The following C8orf82 variants were observed in gnomAD, a reference collection of about 807,000 sequenced individuals.
C8orf82 encodes chromosome 8 open reading frame 82.
Under a neutral mutation model 15.0 loss-of-function variants are expected in C8orf82, and 24 were observed. The observed-to-expected ratio is 1.60, with a 90% CI of 1.16 to 2.24. The LOEUF (loss-of-function observed/expected upper bound fraction) is 2.24, where lower values mean the gene tolerates loss of function less well. Among genes scored for constraint, C8orf82 ranks in the 30% most tolerant of loss-of-function variants. The pLI, the probability that C8orf82 is intolerant of heterozygous loss-of-function variation, is 0.00. For synonymous variants in C8orf82, 205 were observed against 152.2 expected (o/e 1.35, Z -2.55); for missense variants, 388 against 317.4 (o/e 1.22, Z -1.69).
Position 144,528,041 on chromosome 8 carries a change from A to T in C8orf82, c.188T>A (p.Phe63Tyr), listed in dbSNP as rs771947212. 6.2e-7 allele frequency: 1 copy of T among 1,612,794 alleles called. No individual in the cohort carries two copies. Among genetic ancestry groups the T allele is most frequent in the South Asian group, 1.1e-5 (1 of 91,086 alleles). ...LFLDDSKMKN[F>Y]ITCFKDPQFL... ...AGCATTACCTTTGAAGCAGGTGATGAAATTCTTCATTTTGGAATCATCCAG... is the reference window on the plus strand; with the variant it reads ...AGCATTACCTTTGAAGCAGGTGATGTAATTCTTCATTTTGGAATCATCCAG... Residue 63 changes from phenylalanine to tyrosine, a missense_variant, in exon 2 of 3, where the codon TTC becomes TAC. Physicochemically the swap from Phe to Tyr is conservative, Grantham distance 22. Coordinates refer to ENST00000524821, the MANE Select transcript of C8orf82 (RefSeq NM_001001795.2).
chr8:144,528,336 C>T lies in C8orf82; in HGVS notation c.157-264G>A, dbSNP rs985082430. 7.9e-6 allele frequency: 12 copies of T among 1,511,276 alleles called. 1 individual carries two copies. Among genetic ancestry groups the T allele is most frequent in the Middle Eastern group, 1.7e-4 (1 of 5,914 alleles). The allele number at this position is 1,511,276 out of a possible 1,614,324, so 93.6% of individuals were successfully genotyped here. On this transcript the variant is annotated intron_variant, in intron 1 of 2. Transcript: ENST00000524821. ...CTTTTCAAGTTTGTAATCAGTTGTA[C>T]CACCTCCTCCGCGGAGACTACCTGG...
In C8orf82 at chr8:144,528,924, C is replaced by T. The variant is rs1477386348; in HGVS notation, c.-8G>A. 1 of 1,502,930 alleles carries T rather than the reference C, an allele frequency of 6.7e-7. No individual in the cohort carries two copies. The highest frequency in any genetic ancestry group is 2.2e-5 in the Admixed American group (1 of 44,570). 93.1% of individuals were successfully genotyped at this position (1,502,930 alleles called of 1,614,324 possible). On this transcript the variant is annotated 5_prime_UTR_variant, in exon 1 of 3. Transcript: ENST00000524821. ...CCCGCAAGGCGGCCACATTCTCCTC[C>T]CGCGCCGGAAGCGACCAGCAGGTCA...
In C8orf82 at chr8:144,527,337, C is replaced by G; in HGVS notation, c.*5G>C. ...CGCGGCCTCCCGCCTTTCCCTTGGC[C>G]CCGCTCAGGGCGACCGAGCCGCGAG... On this transcript the variant is annotated 3_prime_UTR_variant, in exon 3 of 3. Coordinates refer to ENST00000524821, the MANE Select transcript of C8orf82 (RefSeq NM_001001795.2). 1 of 1,178,318 alleles carries G rather than the reference C, an allele frequency of 8.5e-7. No homozygotes were observed. Among genetic ancestry groups the G allele is most frequent in the Non-Finnish European group, 1.1e-6 (1 of 951,368 alleles). 73.0% of individuals were successfully genotyped at this position (1,178,318 alleles called of 1,614,324 possible). A position where few individuals can be genotyped will look rare whatever the true frequency, so the allele number is the denominator to read the frequency against.
intron 1 of C8orf82, 178 bp downstream of exon 1, chr8:144,528,583 C>G (rs1234930162): frequency 8.2e-7 from 1 of 1,214,292 alleles, no homozygotes; most frequent in Non-Finnish European, 1.1e-6. Context: ...TCCTCCAGCT[C>G]TGAGGAGTCG....
rs747819441 is a variant in C8orf82, at chr8:144,528,040, G to A, written c.189C>T (p.Phe63=). 5.0e-6 allele frequency: 8 copies of A among 1,612,826 alleles called. No individual in the cohort carries two copies. Among genetic ancestry groups the A allele is most frequent in the Non-Finnish European group, 6.8e-6 (8 of 1,179,922 alleles). The change falls in exon 2 of 3, where the codon TTC becomes TTT. Residue 63 remains phenylalanine (F), a synonymous_variant. Coordinates refer to ENST00000524821, the MANE Select transcript of C8orf82 (RefSeq NM_001001795.2). ...LFLDDSKMKN[F]ITCFKDPQFL... ...CAGCATTACCTTTGAAGCAGGTGAT[G>A]AAATTCTTCATTTTGGAATCATCCA...
At chr8:144,528,616 C>CGGGGGGGGGGGGGGGGGGGGGGGG in intron 1 of C8orf82, 145 bp downstream of exon 1, 23 of 295,994 alleles carry the variant, frequency 7.8e-5, no homozygotes, top group Non-Finnish European at 1.1e-4. Flanking sequence ...GCGCAGGCCC[C>CGGGGGGGGGGGGGGGGGGGGGGGG]GCCCACCCAC....
At position 144,529,085 on chromosome 8, in the gene C8orf82, G is replaced by A. The variant is rs2130806584; in HGVS notation, c.-169C>T. 1.6e-6 allele frequency: 1 copy of A among 618,918 alleles called. No individual in the cohort carries two copies. The highest frequency in any genetic ancestry group is 3.7e-5 in the East Asian group (1 of 26,862). 38.3% of individuals were successfully genotyped at this position (618,918 alleles called of 1,614,324 possible). The stretch of plus-strand genomic sequence containing the variant: ...GGGCCTCGGGGGCTCGCCCGCCCTG[G>A]CCTTCCGAGAGGCGTGTGCCGGTGA... On this transcript the variant is annotated 5_prime_UTR_variant, in exon 1 of 3. Coordinates refer to ENST00000524821, the MANE Select transcript of C8orf82 (RefSeq NM_001001795.2).
At position 144,527,573 on chromosome 8, in the gene C8orf82, G is replaced by A; in HGVS notation, c.420C>T (p.Phe140=). 2.7e-6 allele frequency: 4 copies of A among 1,468,524 alleles called. No homozygotes were observed. Among genetic ancestry groups the A allele is most frequent in the Non-Finnish European group, 3.6e-6 (4 of 1,117,002 alleles). The allele number at this position is 1,468,524 out of a possible 1,614,324, so 91.0% of individuals were successfully genotyped here. ...CCAGGGGCAGCAGGCGCGCCGGCTC[G>A]AAGGGCACGGCCAGGGCCTCGCCAC... The part of the protein sequence containing the change: ...CGGGEALAVP[F]EPARLLPLAA... The change falls in exon 3 of 3, where the codon TTC becomes TTT. Residue 140 remains phenylalanine (F), a synonymous_variant. Coordinates refer to ENST00000524821, the MANE Select transcript of C8orf82 (RefSeq NM_001001795.2).
chr8:144,527,568 G>A lies in C8orf82; in HGVS notation c.425C>T (p.Pro142Leu). Reference sequence around the variant, plus strand: ...GGCGGCCAGGGGCAGCAGGCGCGCCGGCTCGAAGGGCACGGCCAGGGCCTC... The same window carrying A: ...GGCGGCCAGGGGCAGCAGGCGCGCCAGCTCGAAGGGCACGGCCAGGGCCTC... Reference protein sequence around the residue: ...GGEALAVPFEPARLLPLAANG... With the variant: ...GGEALAVPFELARLLPLAANG... The change falls in exon 3 of 3, where the codon CCG (proline) becomes CTG (leucine). Residue 142 changes from proline to leucine, a missense_variant. Pro to Leu is a moderately conservative substitution (Grantham distance 98, BLOSUM62 -3). Transcript: ENST00000524821. 5.5e-6 allele frequency: 8 copies of A among 1,459,896 alleles called. No homozygotes were observed. The highest frequency in any genetic ancestry group is 1.5e-5 in the African/African-American group (1 of 67,816). The allele number at this position is 1,459,896 out of a possible 1,614,324, so 90.4% of individuals were successfully genotyped here.
At position 144,528,951 on chromosome 8, in the gene C8orf82, G is replaced by A. The variant is rs780551201; in HGVS notation, c.-35C>T. ...GCGCCGGAAGCGACCAGCAGGTCACGCCGGGGGCGGTGCTGCGCGAACTCG... is the reference window on the plus strand; with the variant it reads ...GCGCCGGAAGCGACCAGCAGGTCACACCGGGGGCGGTGCTGCGCGAACTCG... On this transcript the variant is annotated 5_prime_UTR_variant, in exon 1 of 3. Transcript: ENST00000524821. 28 of 1,486,848 alleles carry A rather than the reference G, an allele frequency of 1.9e-5. No individual in the cohort carries two copies. In the South Asian group the frequency reaches 3.3e-4, roughly 18 times the overall value. 92.1% of individuals were successfully genotyped at this position (1,486,848 alleles called of 1,614,324 possible).
chr8:144,527,910 G>A (rs762937872), intron 2 of C8orf82, 114 bp downstream of exon 2: 62 of 1,501,476 alleles, frequency 4.1e-5, no homozygotes, highest in Non-Finnish European at 5.5e-5. Context: ...CGGGGCTCCT[G>A]AGCGCAGGAC....
At chr8:144,528,317 A>G in intron 1 of C8orf82, 1 of 1,507,162 alleles carries the variant, frequency 6.6e-7, no homozygotes, top group Non-Finnish European at 8.9e-7. Context: ...CCCTCTTTTC[A>G]AGTTTGTAAT....
At position 144,527,356 on chromosome 8, in the gene C8orf82, C is replaced by T. The variant is rs1342894451; in HGVS notation, c.637G>A (p.Ala213Thr). 8.3e-7 allele frequency: 1 copy of T among 1,210,880 alleles called. No individual in the cohort carries two copies. The highest frequency in any genetic ancestry group is 1.0e-6 in the Non-Finnish European group (1 of 969,572). 75.0% of individuals were successfully genotyped at this position (1,210,880 alleles called of 1,614,324 possible). A position where few individuals can be genotyped will look rare whatever the true frequency, so the allele number is the denominator to read the frequency against. The part of the protein sequence containing the change: ...TMDLAPLLLA[A>T]RSP ...CTTGGCCCCGCTCAGGGCGACCGAG[C>T]CGCGAGCAGCAGCGGGGCCAGGTCC... The change falls in exon 3 of 3, where the codon GCT (alanine) becomes ACT (threonine). Residue 213 changes from alanine (A) to threonine (T), a missense_variant. Physicochemically the swap from Ala to Thr is moderately conservative, Grantham distance 58. Coordinates refer to ENST00000524821, the MANE Select transcript of C8orf82 (RefSeq NM_001001795.2).
intron 1 of C8orf82, chr8:144,528,286 C>T: frequency 6.6e-7 from 1 of 1,507,792 alleles, no homozygotes. Context: ...CCTGGTCAGC[C>T]AATTCTTTCC....
chr8:144,527,247 C>G lies in C8orf82; in HGVS notation c.*95G>C. 2 of 904,374 alleles carry G rather than the reference C, an allele frequency of 2.2e-6. No individual in the cohort carries two copies. Among genetic ancestry groups the G allele is most frequent in the Non-Finnish European group, 2.8e-6 (2 of 717,516 alleles). 56.0% of individuals were successfully genotyped at this position (904,374 alleles called of 1,614,324 possible). On this transcript the variant is annotated 3_prime_UTR_variant, in exon 3 of 3. Transcript: ENST00000524821. ...CGAGCGCGCAGGCGCACTAGGCTGC[C>G]GCGAGCGCGGGTGGCGCGGGCTTTC...
chr8:144,528,621 ACCCACCCACCCCCT>A, intron 1 of C8orf82, 126 bp downstream of exon 1: 1 of 38,228 alleles, frequency 2.6e-5, no homozygotes, highest in Non-Finnish European at 4.2e-5. Flanking sequence ...GGCCCCGCCC[ACCCACCCACCCCCT>A]GGAACGTCCC....
At chr8:144,528,331 T>G (rs1586861047) in intron 1 of C8orf82, 2 of 1,512,950 alleles carry the variant, frequency 1.3e-6, no homozygotes, top group Non-Finnish European at 1.8e-6. Context: ...TTGTAATCAG[T>G]TGTACCACCT....
Position 144,528,017 on chromosome 8 carries a change from G to A in C8orf82, c.205+7C>T, listed in dbSNP as rs371139681. 6.2e-6 allele frequency: 10 copies of A among 1,612,066 alleles called. No homozygotes were observed. Among genetic ancestry groups the A allele is most frequent in the Non-Finnish European group, 8.5e-6 (10 of 1,179,378 alleles). On this transcript the variant is annotated splice_region_variant and intron_variant, in intron 2 of 2. Coordinates refer to ENST00000524821, the MANE Select transcript of C8orf82 (RefSeq NM_001001795.2). ...AGAAGGGGCTGGAGAGGGAGGCACA[G>A]CATTACCTTTGAAGCAGGTGATGAA... is the stretch of plus-strand genomic sequence containing the variant.
intron 2 of C8orf82, 81 bp from the exon 3 acceptor site, chr8:144,527,868 C>T (rs755239229): frequency 1.3e-6 from 2 of 1,544,830 alleles, no homozygotes; most frequent in African/African-American, 1.4e-5. Flanking sequence ...GGGCAGGCGC[C>T]GACGGTAAGA....
Sources: gnomAD v4.1 joint callset for allele counts on GRCh38, gnomAD v4.1.1 for gene constraint, MANE v1.5 for transcripts, NCBI Gene and HGNC (gene_info 2026-07-23, HGNC 2026-07-21) for gene names.